The following RNF150 variants were observed in gnomAD, a reference collection of about 807,000 sequenced individuals.
The protein encoded by RNF150 is ring finger protein 150.
RNF150 carries 24 observed loss-of-function variants against 39.3 expected under a neutral mutation model. That is an observed-to-expected ratio of 0.61 (90% confidence interval 0.44 to 0.86). The LOEUF (loss-of-function observed/expected upper bound fraction) is 0.86, where lower values mean the gene tolerates loss of function less well. Ranked by LOEUF, RNF150 falls within the 40% of genes least tolerant of loss-of-function variation. The pLI is 0.00. For synonymous variants in RNF150, 255 were observed against 227.3 expected, an observed-to-expected ratio of 1.12 and a Z score of -1.10; for missense variants, 502 against 587.8, an observed-to-expected ratio of 0.85 and a Z score of 1.51.
chr4:141,158,100 G>C (rs1322872060), intron 1 of RNF150, among the ~76,000 whole-genome samples: 1 of 152,200 alleles, frequency 6.6e-6, no homozygotes, highest in Non-Finnish European at 1.5e-5. Flanking sequence ...AGAGCAGCCT[G>C]ACCAGCATGG....
At chr4:141,068,285 C>T (rs998026194) in intron 1 of RNF150, among the ~76,000 whole-genome samples, 2 of 152,144 alleles carry the variant, frequency 1.3e-5, no homozygotes, top group African/African-American at 4.8e-5. Flanking sequence ...GCTCCTATCA[C>T]TCAAATTATA....
At chr4:141,151,116 AT>A (rs1010876226) in intron 1 of RNF150, among the ~76,000 whole-genome samples, 3 of 151,574 alleles carry the variant, frequency 2.0e-5, no homozygotes, top group Non-Finnish European at 4.4e-5. Context: ...AGTTTTTAAT[AT>A]TTTTTTGTAG....
intron 1 of RNF150, among the ~76,000 whole-genome samples, chr4:141,121,508 T>C (rs1052719731): frequency 8.5e-5 from 13 of 152,204 alleles, no homozygotes; most frequent in African/African-American, 3.1e-4. Flanking sequence ...ACTGCTCGTA[T>C]AATAATCAAC....
chr4:140,984,387 G>A (rs926623661), intron 1 of RNF150, among the ~76,000 whole-genome samples: 1 of 152,128 alleles, frequency 6.6e-6, no homozygotes, highest in Non-Finnish European at 1.5e-5. Flanking sequence ...AGTGAACAGA[G>A]TCTATAAATC....
chr4:141,011,440 T>C (rs563592135), intron 1 of RNF150, among the ~76,000 whole-genome samples: 11 of 152,320 alleles, frequency 7.2e-5, no homozygotes, highest in African/African-American at 2.4e-4. Context: ...GAAACACAGC[T>C]GTCAGAATAT....
intron 1 of RNF150, among the ~76,000 whole-genome samples, chr4:141,145,348 A>G (rs921985263): frequency 7.2e-5 from 11 of 152,262 alleles, no homozygotes; most frequent in African/African-American, 2.2e-4. Flanking sequence ...TAACATTAAG[A>G]TGAATAAAAA....
At chr4:141,039,713 T>C (rs1736286625) in intron 1 of RNF150, among the ~76,000 whole-genome samples, 1 of 152,026 alleles carries the variant, frequency 6.6e-6, no homozygotes. Flanking sequence ...TCTCAGCCAA[T>C]CTGTAACAAG....
chr4:140,952,606 C>A (rs1316988544), intron 2 of RNF150, among the ~76,000 whole-genome samples: 1 of 152,052 alleles, frequency 6.6e-6, no homozygotes, highest in Non-Finnish European at 1.5e-5. Context: ...ATGGCAGGTC[C>A]GTTGAGGAAA....
intron 1 of RNF150, among the ~76,000 whole-genome samples, chr4:141,060,323 C>T (rs978176088): frequency 6.6e-6 from 1 of 152,066 alleles, no homozygotes; most frequent in Non-Finnish European, 1.5e-5. Flanking sequence ...CATTTGCAGT[C>T]CCAGATACTT....
chr4:140,893,503 C>T (rs1340573840), intron 6 of RNF150, among the ~76,000 whole-genome samples: 1 of 152,236 alleles, frequency 6.6e-6, no homozygotes, highest in Non-Finnish European at 1.5e-5. Flanking sequence ...CTAGACTGAG[C>T]AGCGAGCTCA....
In RNF150 at chr4:140,954,442, G is replaced by A. The variant is rs557809055; in HGVS notation, c.736-5070C>T. Among the ~76,000 whole-genome samples, 5 of 152,216 alleles carry A rather than the reference G, an allele frequency of 3.3e-5. No individual in the cohort carries two copies. The East Asian group carries it at 9.7e-4, about 29-fold the overall frequency. ...GTAGGTCTTGAATTCCTGATCTCAA[G>A]TGATCTGCCTCCCTTGGCCTTCCAA... On this transcript the variant is annotated intron_variant, in intron 2 of 6. Transcript: ENST00000515673.
intron 1 of RNF150, among the ~76,000 whole-genome samples, chr4:141,098,480 AAGAGTTG>A (rs1738887028): frequency 6.6e-6 from 1 of 152,222 alleles, no homozygotes; most frequent in South Asian, 2.1e-4. Context: ...ACTGGGAGTC[AAGAGTTG>A]CAGGTCTTAA....
At chr4:141,114,553 C>A (rs2111069657) in intron 1 of RNF150, among the ~76,000 whole-genome samples, 1 of 152,300 alleles carries the variant, frequency 6.6e-6, no homozygotes, top group South Asian at 2.1e-4. Flanking sequence ...GACGGATTCA[C>A]AGCCAAATTC....
intron 1 of RNF150, among the ~76,000 whole-genome samples, chr4:141,077,920 T>C (rs992897011): frequency 6.6e-6 from 1 of 152,188 alleles, no homozygotes; most frequent in Non-Finnish European, 1.5e-5. Context: ...CTAATGTAAA[T>C]TATGAAGGCT....
At chr4:141,090,847 TA>T (rs1486346900) in intron 1 of RNF150, among the ~76,000 whole-genome samples, 1 of 152,218 alleles carries the variant, frequency 6.6e-6, no homozygotes, top group Non-Finnish European at 1.5e-5. Flanking sequence ...TCTGGATTTC[TA>T]TGTAACATCT....
chr4:141,137,576 G>A (rs1705855482), upstream of RNF150, among the ~76,000 whole-genome samples: 1 of 152,210 alleles, frequency 6.6e-6, no homozygotes. Context: ...ATGATTGCAA[G>A]AGAAGTTGAT....
rs113957882 is a variant in RNF150, at chr4:141,017,523, A to G, written c.485-49650T>C. Among the ~76,000 whole-genome samples the G allele has an allele frequency of 4.7e-3, 710 of 152,312 alleles. 5 individuals are homozygous for G. Among genetic ancestry groups the G allele is most frequent in the African/African-American group, 0.016 (684 of 41,562 alleles). On this transcript the variant is annotated intron_variant, in intron 1 of 6. Transcript: ENST00000515673. ...GGCACATGATTATCAACCGAAGTCCATAGTTTACATTTGGGTTCACTTCTG... is the reference window on the plus strand; with the variant it reads ...GGCACATGATTATCAACCGAAGTCCGTAGTTTACATTTGGGTTCACTTCTG...
intron 1 of RNF150, among the ~76,000 whole-genome samples, chr4:141,188,291 G>A (rs1250683845): frequency 3.9e-5 from 6 of 151,968 alleles, no homozygotes; most frequent in African/African-American, 1.2e-4. Flanking sequence ...TTTTTCCTTC[G>A]TTTCAAGCTT....
chr4:140,962,235 A>C (rs1198672393), intron 2 of RNF150, among the ~76,000 whole-genome samples: 2 of 151,760 alleles, frequency 1.3e-5, no homozygotes, highest in Admixed American at 1.3e-4. Flanking sequence ...CATTTTCTTC[A>C]GTCTAGAGCT....
Sources: allele counts gnomAD v4.1 joint callset (sites outside exome capture counted in the v4.1 genomes callset), GRCh38; gene constraint gnomAD v4.1.1; transcripts MANE v1.5; gene names NCBI Gene and HGNC (gene_info 2026-07-23, HGNC 2026-07-21).